The following SPTAN1 variants were observed in gnomAD, a reference collection of about 807,000 sequenced individuals.
The protein encoded by SPTAN1 is spectrin alpha, non-erythrocytic 1.
SPTAN1 carries 61 observed loss-of-function variants against 331.3 expected under a neutral mutation model. That is an observed-to-expected ratio of 0.18 (90% CI 0.15 to 0.23). The LOEUF (loss-of-function observed/expected upper bound fraction) is 0.23. SPTAN1 is among the 10% of genes least tolerant of loss of function. The pLI, the probability that SPTAN1 is intolerant of heterozygous loss-of-function variation, is 1.00. For missense variants in SPTAN1, 2,043 were observed against 3,147.9 expected, an observed-to-expected ratio of 0.65 and a Z score of 8.40; for synonymous variants, 1,153 against 1,173.9, an observed-to-expected ratio of 0.98 and a Z score of 0.36.
chr9:128,572,222 T>C (rs1850808519), intron 3 of SPTAN1, among the ~76,000 whole-genome samples: 1 of 152,210 alleles, frequency 6.6e-6, no homozygotes, highest in Non-Finnish European at 1.5e-5. Context: ...GTTTCCACCA[T>C]CTGCTTCTCT....
rs1366231735 is a variant in SPTAN1, at chr9:128,562,001, G to A, written c.-3-4737G>A. Among the ~76,000 whole-genome samples the A allele has an allele frequency of 3.9e-5, 6 of 152,190 alleles. No individual in the cohort carries two copies. The South Asian group carries it at 1.0e-3, about 26-fold the overall frequency. ...GAACACAATAATTTCATGGCAGAAT[G>A]TGGCAGTGTTATAAGATGAATGATA... On this transcript the variant is annotated intron_variant, in intron 1 of 56. Coordinates refer to ENST00000372739, the MANE Select transcript of SPTAN1 (RefSeq NM_001130438.3).
chr9:128,585,723 T>A, intron 18 of SPTAN1, 25 bp from the exon 19 acceptor site: 1 of 1,600,974 alleles, frequency 6.2e-7, no homozygotes, highest in Non-Finnish European at 8.6e-7. Flanking sequence ...GTTTTTGTTA[T>A]CCTCTTTCCC....
At chr9:128,588,715 T>A (rs1385397870) in intron 20 of SPTAN1, 94 bp from the exon 21 acceptor site, 1 of 1,551,986 alleles carries the variant, frequency 6.4e-7, no homozygotes. Context: ...TTTGGTACAT[T>A]TGGTACAGCT....
intron 1 of SPTAN1, among the ~76,000 whole-genome samples, chr9:128,556,087 G>C (rs1270841153): frequency 2.0e-5 from 3 of 152,042 alleles, no homozygotes; most frequent in Admixed American, 2.0e-4. Context: ...CGGGTGTTGT[G>C]GTGGGCCCCT....
Position 128,632,203 on chromosome 9 carries a change from C to T in SPTAN1, c.6839C>T (p.Ala2280Val). The change falls in exon 53 of 57, where the codon GCC (alanine) becomes GTC (valine). Residue 2280 changes from alanine (A) to valine (V), a missense_variant. Coordinates refer to ENST00000372739, the MANE Select transcript of SPTAN1 (RefSeq NM_001130438.3). ...IEDLGAAMEE[A>V]LILDNKYTEH... ...GACCTGGGGGCCGCCATGGAGGAGG[C>T]CCTCATCCTGGACAACAAGTACACG... is the stretch of plus-strand genomic sequence containing the variant. 6.2e-7 allele frequency: 1 copy of T among 1,613,496 alleles called. No individual in the cohort carries two copies. The highest frequency in any genetic ancestry group is 8.5e-7 in the Non-Finnish European group (1 of 1,180,010).
At chr9:128,586,118 T>C (rs1765467260) in intron 19 of SPTAN1, among the ~76,000 whole-genome samples, 153 bp downstream of exon 19, 1 of 132,278 alleles carries the variant, frequency 7.6e-6, no homozygotes, top group Non-Finnish European at 1.6e-5. Flanking sequence ...CTTGGTTTTT[T>C]TTTTTTTTTT....
intron 40 of SPTAN1, 55 bp downstream of exon 40, chr9:128,613,540 C>G: frequency 7.1e-7 from 1 of 1,413,376 alleles, no homozygotes; most frequent in East Asian, 2.3e-5. Flanking sequence ...CTCTGCCTGA[C>G]TCCTAAGGAA....
Position 128,599,001 on chromosome 9 carries a change from C to A in SPTAN1, c.3543+15C>A. 1 of 1,613,232 alleles carries A rather than the reference C, an allele frequency of 6.2e-7. No homozygotes were observed. Among genetic ancestry groups the A allele is most frequent in the Non-Finnish European group, 8.5e-7 (1 of 1,179,204 alleles). On this transcript the variant is annotated intron_variant, in intron 26 of 56. Coordinates refer to ENST00000372739, the MANE Select transcript of SPTAN1 (RefSeq NM_001130438.3). ...TGATGCCCAGGGTAAGTTTCGGGTG[C>A]TGTGTGTGGATCTTGAACATGAGAA...
chr9:128,618,553 G>C (rs147062700), intron 43 of SPTAN1, among the ~76,000 whole-genome samples: 1 of 151,864 alleles, frequency 6.6e-6, no homozygotes, highest in African/African-American at 2.4e-5. Context: ...GCACAATCTC[G>C]GCTCACTGCA....
intron 12 of SPTAN1, among the ~76,000 whole-genome samples, chr9:128,582,236 G>C (rs190969635): frequency 6.6e-6 from 1 of 152,126 alleles, no homozygotes; most frequent in African/African-American, 2.4e-5. Context: ...CCAGGAGATC[G>C]TGCCACAACT....
At chr9:128,571,438 A>G (rs1197995758) in intron 3 of SPTAN1, among the ~76,000 whole-genome samples, 1 of 152,102 alleles carries the variant, frequency 6.6e-6, no homozygotes, top group African/African-American at 2.4e-5. Context: ...ACAAAAAATT[A>G]GCCAAGCGTG....
At chr9:128,599,484 T>G (rs564201202) in intron 26 of SPTAN1, 3 of 168,608 alleles carry the variant, frequency 1.8e-5, no homozygotes, top group Admixed American at 1.1e-4. Context: ...AAAAGTTGGT[T>G]TTTTTTTTTT....
At position 128,625,877 on chromosome 9, in the gene SPTAN1, G is replaced by C. The variant is rs751423380; in HGVS notation, c.6178G>C (p.Glu2060Gln). 7.4e-5 allele frequency: 120 copies of C among 1,614,036 alleles called. No homozygotes were observed. Among genetic ancestry groups the C allele is most frequent in the Non-Finnish European group, 9.9e-5 (117 of 1,180,034 alleles). The part of the protein sequence containing the change: ...AAKHVQSKAI[E>Q]ARHASLMKRW... ...CAAACACGTTCAGTCCAAGGCCATC[G>C]AGGCCCGGCACGCCTCCCTCATGAA... The change falls in exon 48 of 57, where the codon GAG becomes CAG. Residue 2060 changes from glutamate to glutamine, a missense_variant. Physicochemically the swap from Glu to Gln is conservative, Grantham distance 29. Transcript: ENST00000372739. This position sits in a 1 kb window ranked among gnomAD's most constrained non-coding sequence, Gnocchi z 4.1.
At chr9:128,557,473 G>A (rs918740939) in intron 1 of SPTAN1, among the ~76,000 whole-genome samples, 2 of 152,046 alleles carry the variant, frequency 1.3e-5, no homozygotes, top group East Asian at 1.9e-4. Context: ...GTTGCTTAAC[G>A]CAGTGGGATT....
At chr9:128,606,265 A>G (rs893711187) in intron 31 of SPTAN1, among the ~76,000 whole-genome samples, 1 of 143,756 alleles carries the variant, frequency 7.0e-6, no homozygotes, top group Non-Finnish European at 1.5e-5. Context: ...AATTCCAGCT[A>G]CTCGGGAGGC....
intron 36 of SPTAN1, 166 bp downstream of exon 36, chr9:128,609,450 C>A: frequency 8.5e-7 from 1 of 1,170,988 alleles, no homozygotes; most frequent in Non-Finnish European, 1.2e-6. Flanking sequence ...GTTTCAGAGC[C>A]ATTTAAAAGT....
chr9:128,578,212 T>A lies in SPTAN1; in HGVS notation c.1188T>A (p.Ala396=). The A allele has an allele frequency of 6.2e-7, 1 of 1,614,172 alleles. No individual in the cohort carries two copies. The highest frequency in any genetic ancestry group is 8.5e-7 in the Non-Finnish European group (1 of 1,180,026). Residue 396 remains alanine (A), a synonymous_variant, in exon 9 of 57, where the codon GCT becomes GCA. Transcript: ENST00000372739. ...AGCTTGCCAGTGATGTGGCTGGGGCTGAAGCCCTGCTAGATAGACACCAAG... is the reference window on the plus strand; with the variant it reads ...AGCTTGCCAGTGATGTGGCTGGGGCAGAAGCCCTGCTAGATAGACACCAAG... ...ADELASDVAG[A]EALLDRHQEH...
chr9:128,612,219 C>A lies in SPTAN1; in HGVS notation c.5016C>A (p.Ile1672=), dbSNP rs774045397. The part of the protein sequence containing the change: ...ANKQQNFNTG[I]KDFDFWLSEV... ...AGCAGCAGAACTTCAACACAGGGAT[C>A]AAGGACTTTGACTTCTGGCTGTCTG... The change falls in exon 39 of 57, where the codon ATC becomes ATA. Residue 1672 remains isoleucine, a synonymous_variant. Transcript: ENST00000372739. The A allele has an allele frequency of 6.2e-7, 1 of 1,614,146 alleles. No homozygotes were observed. Among genetic ancestry groups the A allele is most frequent in the Non-Finnish European group, 8.5e-7 (1 of 1,180,038 alleles).
At chr9:128,556,189 C>G (rs936796383) in intron 1 of SPTAN1, among the ~76,000 whole-genome samples, 1 of 151,946 alleles carries the variant, frequency 6.6e-6, no homozygotes, top group African/African-American at 2.4e-5. Flanking sequence ...CCATTGCACT[C>G]CAGCCCAGGT....
Sources: allele counts gnomAD v4.1 joint callset (sites outside exome capture counted in the v4.1 genomes callset), GRCh38; gene constraint gnomAD v4.1.1; non-coding constraint Gnocchi (gnomAD v3.1); transcripts MANE v1.5; gene names NCBI Gene and HGNC (gene_info 2026-07-23, HGNC 2026-07-21).